SYT6: variants seen among roughly 807,000 people sequenced by gnomAD.
SYT6 encodes the protein synaptotagmin-6.
SYT6 carries 24 observed loss-of-function variants against 38.4 expected under a neutral mutation model. The observed-to-expected ratio is 0.62, with a 90% confidence interval of 0.45 to 0.88. SYT6 has a LOEUF of 0.88. Among genes scored for constraint, SYT6 ranks in the 40% least tolerant of loss-of-function variants. The probability of loss-of-function intolerance (pLI) is 0.00; values close to 1 mark genes in which losing one functional copy is unlikely to be tolerated. For missense variants in SYT6, 611 were observed against 621.0 expected (o/e 0.98, Z 0.17); for synonymous variants, 265 against 241.9 (o/e 1.10, Z -0.89).
chr1:114,106,841 GC>G (rs1370906452), intron 3 of SYT6, among the ~76,000 whole-genome samples: 2 of 152,042 alleles, frequency 1.3e-5, no homozygotes, highest in Non-Finnish European at 2.9e-5. Context: ...CTGCAGCTGT[GC>G]CCCCCAGCAT....
intron 6 of SYT6, among the ~76,000 whole-genome samples, chr1:114,094,910 C>T (rs754695821): frequency 6.6e-6 from 1 of 152,224 alleles, no homozygotes; most frequent in Non-Finnish European, 1.5e-5. Context: ...CACAATGCAT[C>T]GCGTGGACAC....
intron 3 of SYT6, among the ~76,000 whole-genome samples, chr1:114,111,070 T>C (rs1481613425): frequency 6.6e-6 from 1 of 152,194 alleles, no homozygotes; most frequent in Non-Finnish European, 1.5e-5. Context: ...GCTCCCTCCT[T>C]GGAACTTTTA....
chr1:114,101,088 G>C (rs1249003282), intron 4 of SYT6, among the ~76,000 whole-genome samples: 1 of 152,100 alleles, frequency 6.6e-6, no homozygotes, highest in Non-Finnish European at 1.5e-5. Context: ...AGGTCTTGCT[G>C]TTTTGCCCAG....
rs150053047 is a variant in SYT6 at position 114,108,981 on chromosome 1, T to C, written c.1072-5260A>G. The stretch of plus-strand genomic sequence containing the variant: ...CTCAGAAGCACTGGGCAGGAAGTGC[T>C]GTTAAGTTCCCCAGGGGTTGTGGGA... On this transcript the variant is annotated intron_variant, in intron 3 of 7. Coordinates refer to ENST00000610222, the MANE Select transcript of SYT6 (RefSeq NM_001253772.2). 7.3e-5 allele frequency among the ~76,000 whole-genome samples: 11 copies of C among 150,108 alleles called. No individual in the cohort carries two copies. In the East Asian group the frequency reaches 2.1e-3, roughly 29 times the overall value.
chr1:114,095,149 C>T (rs945838479), intron 6 of SYT6, among the ~76,000 whole-genome samples: 2 of 152,078 alleles, frequency 1.3e-5, no homozygotes, highest in African/African-American at 4.8e-5. Flanking sequence ...GGGAGCTTGG[C>T]CTGCAAGGTC....
Position 114,138,879 on chromosome 1 carries a change from G to T in SYT6, c.512+736C>A, listed in dbSNP as rs114904661. Among the ~76,000 whole-genome samples, 878 of 152,298 alleles carry T rather than the reference G, an allele frequency of 5.8e-3. 4 individuals are homozygous for T. The highest frequency in any genetic ancestry group is 9.6e-3 in the Non-Finnish European group (655 of 68,018). ...GACAGACTGTCAGTGTGACCTCCCA[G>T]CATGTTCATTCCTGGCCTCCAGTCT... On this transcript the variant is annotated intron_variant, in intron 2 of 7. Transcript: ENST00000610222.
chr1:114,145,271 A>G (rs1406899708), intron 1 of SYT6, among the ~76,000 whole-genome samples: 5 of 152,348 alleles, frequency 3.3e-5, no homozygotes, highest in East Asian at 1.9e-4. Context: ...AGGTTCAAAG[A>G]GCTTTATATC....
chr1:114,137,767 G>C lies in SYT6; in HGVS notation c.799C>G (p.Pro267Ala). 6.2e-7 allele frequency: 1 copy of C among 1,614,078 alleles called. No individual in the cohort carries two copies. The highest frequency in any genetic ancestry group is 8.5e-7 in the Non-Finnish European group (1 of 1,180,014). ...GGCAGGAGGTAGATCTTGACATAAG[G>C]GTCAGAGCTTCCACAAAAGTCCTTG... The part of the protein sequence containing the change: ...PAKDFCGSSD[P>A]YVKIYLLPDR... Residue 267 changes from proline to alanine, a missense_variant, in exon 3 of 8, where the codon CCT (proline) becomes GCT (alanine). Physicochemically the swap from Pro to Ala is conservative, Grantham distance 27. Transcript: ENST00000610222.
Position 114,111,739 on chromosome 1 carries a change from G to GAGTTAATTCATGTAAATGTT in SYT6, c.1072-8019_1072-8018insAACATTTACATGAATTAACT, listed in dbSNP as rs1455768081. Among the ~76,000 whole-genome samples, 730 of 151,838 alleles carry GAGTTAATTCATGTAAATGTT rather than the reference G, an allele frequency of 4.8e-3. 2 individuals carry two copies. The highest frequency in any genetic ancestry group is 0.031 in the Middle Eastern group (9 of 294). On this transcript the variant is annotated intron_variant, in intron 3 of 7. Transcript: ENST00000610222. The stretch of plus-strand genomic sequence containing the variant: ...AGTCAGGACTTCCGAGAGGAACCCG[G>GAGTTAATTCATGTAAATGTT]CAGGATGTGCTAAACTGCCGGGTGA...
At chr1:114,134,357 C>G (rs976455862) in intron 3 of SYT6, among the ~76,000 whole-genome samples, 3 of 152,202 alleles carry the variant, frequency 2.0e-5, no homozygotes, top group African/African-American at 7.2e-5. Flanking sequence ...CTTTAATAGT[C>G]TTTTCCTTGG....
intron 3 of SYT6, among the ~76,000 whole-genome samples, chr1:114,109,818 C>T (rs1468614805): frequency 1.3e-5 from 2 of 152,198 alleles, no homozygotes; most frequent in Non-Finnish European, 1.5e-5. Context: ...TCAAGCTAGG[C>T]TTCCCAAAGA....
chr1:114,128,949 TTTA>T (rs1677915953), intron 3 of SYT6, among the ~76,000 whole-genome samples: 1 of 152,202 alleles, frequency 6.6e-6, no homozygotes, highest in Non-Finnish European at 1.5e-5. Flanking sequence ...AATCTGTTTC[TTTA>T]GCCAAGACCT....
At chr1:114,114,046 C>A (rs1026919686) in intron 3 of SYT6, among the ~76,000 whole-genome samples, 1 of 152,148 alleles carries the variant, frequency 6.6e-6, no homozygotes, top group Non-Finnish European at 1.5e-5. Flanking sequence ...ATTGACCGTT[C>A]TTTCCCCAGC....
rs1416210291 is a variant in SYT6 at position 114,137,818 on chromosome 1, T to C, written c.748A>G (p.Ile250Val). The change falls in exon 3 of 8, where the codon ATC becomes GTC. Residue 250 changes from isoleucine (I) to valine (V), a missense_variant. Coordinates refer to ENST00000610222, the MANE Select transcript of SYT6 (RefSeq NM_001253772.2). Reference sequence around the variant, plus strand: ...GCAGGGAGGTCAAAAGCCTTCAGGATACGCACAATCAGGGTCTCGGTCTCG... The same window carrying C: ...GCAGGGAGGTCAAAAGCCTTCAGGACACGCACAATCAGGGTCTCGGTCTCG... ...DYETETLIVR[I>V]LKAFDLPAKD... The C allele has an allele frequency of 6.2e-7, 1 of 1,613,908 alleles. No homozygotes were observed. Among genetic ancestry groups the C allele is most frequent in the African/African-American group, 1.3e-5 (1 of 74,878 alleles).
Position 114,091,943 on chromosome 1 carries a change from G to A in SYT6, c.*191C>T, listed in dbSNP as rs1675326558. ...GCCGCCACTGCGACTGCACAACACT[G>A]TTTAGACGGTTGAACAAGTGCAAAG... On this transcript the variant is annotated 3_prime_UTR_variant, in exon 8 of 8. Coordinates refer to ENST00000610222, the MANE Select transcript of SYT6 (RefSeq NM_001253772.2). 2.0e-6 allele frequency: 3 copies of A among 1,499,228 alleles called. No individual in the cohort carries two copies. The East Asian group carries it at 7.3e-5, about 37-fold the overall frequency. The allele number at this position is 1,499,228 out of a possible 1,614,324, so 92.9% of individuals were successfully genotyped here. A position where few individuals can be genotyped will look rare whatever the true frequency, so the allele number is the denominator to read the frequency against.
intron 3 of SYT6, among the ~76,000 whole-genome samples, chr1:114,124,623 G>C (rs990473911): frequency 2.0e-5 from 3 of 152,288 alleles, no homozygotes; most frequent in East Asian, 1.9e-4. Flanking sequence ...CTAGACCCGT[G>C]TTCCATGACT....
At chr1:114,129,554 T>TTTTTCTTTC (rs1278133619) in intron 3 of SYT6, among the ~76,000 whole-genome samples, 1 of 141,862 alleles carries the variant, frequency 7.0e-6, no homozygotes, top group Non-Finnish European at 1.6e-5. Flanking sequence ...TTTCTGTCTT[T>TTTTTCTTTC]TTTTCTTTCT....
chr1:114,135,109 G>T (rs934814382), intron 3 of SYT6, among the ~76,000 whole-genome samples: 1 of 152,034 alleles, frequency 6.6e-6, no homozygotes, highest in South Asian at 2.1e-4. Flanking sequence ...GGAACATCCA[G>T]CTCAGACAGA....
chr1:114,132,420 T>A (rs1678212025), intron 3 of SYT6, among the ~76,000 whole-genome samples: 1 of 152,172 alleles, frequency 6.6e-6, no homozygotes, highest in South Asian at 2.1e-4. Context: ...CTTATCACTG[T>A]GGGGTTTCGG....
Sources: allele counts gnomAD v4.1 joint callset (sites outside exome capture counted in the v4.1 genomes callset), GRCh38; gene constraint gnomAD v4.1.1; transcripts MANE v1.5; gene names NCBI Gene and HGNC (gene_info 2026-07-23, HGNC 2026-07-21).